Variants in MAN2B2 observed in about 807,000 individuals in gnomAD.
MAN2B2 encodes the protein mannosidase alpha class 2B member 2, also known as epididymis-specific alpha-mannosidase.
Under a neutral mutation model 117.1 loss-of-function variants are expected in MAN2B2, and 106 were observed. The ratio of observed to expected loss-of-function variants is 0.90; its 90% confidence interval spans 0.77 to 1.06. MAN2B2 has a LOEUF of 1.06. MAN2B2 is among the 50% of genes least tolerant of loss of function. The probability of loss-of-function intolerance (pLI) is 0.00; values close to 1 mark genes in which losing one functional copy is unlikely to be tolerated. For synonymous variants in MAN2B2, 544 were observed against 595.1 expected (o/e 0.91, Z 1.25); for missense variants, 1,326 against 1,381.4 (o/e 0.96, Z 0.64).
At chr4:6,588,667 A>T (rs1726738007) in intron 4 of MAN2B2, among the ~76,000 whole-genome samples, 1 of 152,158 alleles carries the variant, frequency 6.6e-6, no homozygotes. Flanking sequence ...GTGAGCTGAG[A>T]TCGTGACACT....
At chr4:6,579,284 CACCAT>C (rs1726293079) in intron 3 of MAN2B2, among the ~76,000 whole-genome samples, 1 of 91,802 alleles carries the variant, frequency 1.1e-5, no homozygotes, top group Non-Finnish European at 2.3e-5. Flanking sequence ...CCACCACCAT[CACCAT>C]CACCACCACC....
chr4:6,592,894 C>T (rs1726909651), intron 5 of MAN2B2, among the ~76,000 whole-genome samples: 1 of 152,180 alleles, frequency 6.6e-6, no homozygotes. Context: ...ATTGAGGCAC[C>T]CCCATAAATT....
At chr4:6,577,872 G>A (rs1726129071) in intron 2 of MAN2B2, among the ~76,000 whole-genome samples, 1 of 152,242 alleles carries the variant, frequency 6.6e-6, no homozygotes, top group African/African-American at 2.4e-5. Flanking sequence ...CCTGAACAGT[G>A]CTGGTTGTGT....
intron 4 of MAN2B2, 68 bp from the exon 5 acceptor site, chr4:6,588,977 G>A: frequency 8.3e-7 from 1 of 1,199,120 alleles, no homozygotes; most frequent in Non-Finnish European, 1.2e-6. Context: ...ACCCAGATGG[G>A]GCTGAGGGAA....
chr4:6,597,544 G>A (rs1188739758), intron 8 of MAN2B2, among the ~76,000 whole-genome samples: 4 of 152,228 alleles, frequency 2.6e-5, no homozygotes, highest in Non-Finnish European at 5.9e-5. Context: ...TAGCAAAAGG[G>A]ATAAAGGACA....
intron 10 of MAN2B2, among the ~76,000 whole-genome samples, chr4:6,604,728 G>A (rs1253930137): frequency 2.0e-5 from 3 of 152,070 alleles, no homozygotes; most frequent in African/African-American, 7.2e-5. Flanking sequence ...AGTGGATTTG[G>A]GTTTGCTTTT....
chr4:6,610,174 T>G (rs1309729591), intron 13 of MAN2B2, 124 bp downstream of exon 13: 1 of 1,346,172 alleles, frequency 7.4e-7, no homozygotes, highest in Non-Finnish European at 1.0e-6. Context: ...TCCTTTTTTT[T>G]AAGATGGAGT....
At chr4:6,600,231 G>T (rs189677542) in intron 9 of MAN2B2, among the ~76,000 whole-genome samples, 2 of 152,224 alleles carry the variant, frequency 1.3e-5, no homozygotes, top group African/African-American at 4.8e-5. Context: ...GGCTCACAGT[G>T]CCCAGCACTC....
At chr4:6,607,594 C>T (rs553006239) in intron 11 of MAN2B2, among the ~76,000 whole-genome samples, 11 of 152,336 alleles carry the variant, frequency 7.2e-5, no homozygotes, top group South Asian at 2.1e-4. Context: ...ACTATTCCAT[C>T]GCATGTATGT....
rs1484601487 is a variant in MAN2B2 at position 6,579,176 on chromosome 4, A to C, written c.391+678A>C. On this transcript the variant is annotated intron_variant, in intron 3 of 18. Transcript: ENST00000285599. ...CATCACCATCACCACCACCACCACCACCATCACCATCACCAGCACCACCAC... is the reference window on the plus strand; with the variant it reads ...CATCACCATCACCACCACCACCACCCCCATCACCATCACCAGCACCACCAC... 8.7e-5 allele frequency among the ~76,000 whole-genome samples: 8 copies of C among 91,518 alleles called. 2 individuals are homozygous for C. Among genetic ancestry groups the C allele is most frequent in the Non-Finnish European group, 2.0e-4 (8 of 40,632 alleles). The allele number at this position is 91,518 out of a possible 152,430, so 60.0% of individuals were successfully genotyped here.
intron 7 of MAN2B2, 131 bp from the exon 8 acceptor site, chr4:6,596,982 G>T (rs955461951): frequency 2.3e-6 from 2 of 862,476 alleles, no homozygotes; most frequent in Non-Finnish European, 3.6e-6. Flanking sequence ...CTGCCTGCCC[G>T]GCCTGCCTCC....
In MAN2B2 at chr4:6,586,435, A is replaced by T. The variant is rs529665099; in HGVS notation, c.392-561A>T. Among the ~76,000 whole-genome samples the T allele has an allele frequency of 2.1e-3, 326 of 152,240 alleles. 3 individuals carry two copies. Among genetic ancestry groups the T allele is most frequent in the African/African-American group, 7.7e-3 (318 of 41,528 alleles). On this transcript the variant is annotated intron_variant, in intron 3 of 18. Transcript: ENST00000285599. ...CCTTTTATTGTTGGTGATGTCCAAGACCTCCATAGCATCATCAAAATCAGT... is the reference window on the plus strand; with the variant it reads ...CCTTTTATTGTTGGTGATGTCCAAGTCCTCCATAGCATCATCAAAATCAGT...
intron 18 of MAN2B2, chr4:6,620,476 C>A (rs371788235): frequency 1.9e-4 from 37 of 193,976 alleles, no homozygotes; most frequent in African/African-American, 5.8e-4. Context: ...CTGCCTGGGA[C>A]GCACAGGTCC....
rs1276269786 is a variant in MAN2B2 at position 6,575,218 on chromosome 4, A to C, written c.8A>C (p.Gln3Pro). MG[Q>P]LCWLPLLAPL... ...TCCCGGCCTGCCGCAGGGATGGGGC[A>C]GCTGTGCTGGCTGCCGCTGCTGGCA... is the stretch of plus-strand genomic sequence containing the variant. Residue 3 changes from glutamine (Q) to proline (P), a missense_variant, in exon 1 of 19, where the codon CAG (glutamine) becomes CCG (proline). Coordinates refer to ENST00000285599, the MANE Select transcript of MAN2B2 (RefSeq NM_015274.3). 1 of 1,496,436 alleles carries C rather than the reference A, an allele frequency of 6.7e-7. No homozygotes were observed. Among genetic ancestry groups the C allele is most frequent in the Non-Finnish European group, 9.0e-7 (1 of 1,111,920 alleles). The allele number at this position is 1,496,436 out of a possible 1,614,324, so 92.7% of individuals were successfully genotyped here.
intron 2 of MAN2B2, among the ~76,000 whole-genome samples, chr4:6,577,335 G>A (rs1013481072): frequency 1.3e-5 from 2 of 152,192 alleles, no homozygotes; most frequent in African/African-American, 2.4e-5. Context: ...AAGCCCTGGC[G>A]TGAGCACCCA....
chr4:6,593,043 T>C, intron 5 of MAN2B2, 130 bp from the exon 6 acceptor site: 4 of 828,704 alleles, frequency 4.8e-6, no homozygotes, highest in Non-Finnish European at 7.5e-6. Context: ...GGTCATGGAG[T>C]GGGAGAATTC....
At chr4:6,621,149 T>A in intron 18 of MAN2B2, 39 bp from the exon 19 acceptor site, 1 of 1,513,976 alleles carries the variant, frequency 6.6e-7, no homozygotes, top group Middle Eastern at 1.7e-4. Context: ...GGAGGAGGCA[T>A]CCCAGGCCAC....
At chr4:6,609,085 C>G (rs368242337) in intron 11 of MAN2B2, 22 bp from the exon 12 acceptor site, 61 of 1,602,220 alleles carry the variant, frequency 3.8e-5, no homozygotes, top group Non-Finnish European at 5.0e-5. Flanking sequence ...AGAATGACAT[C>G]TTCTCTCTCC....
chr4:6,589,164 C>T lies in MAN2B2; in HGVS notation c.680+4C>T, dbSNP rs1225395507. 4 of 1,605,626 alleles carry T rather than the reference C, an allele frequency of 2.5e-6. No homozygotes were observed. The highest frequency in any genetic ancestry group is 2.2e-5 in the South Asian group (2 of 90,900). On this transcript the variant is annotated splice_donor_region_variant and intron_variant, in intron 5 of 18. Coordinates refer to ENST00000285599, the MANE Select transcript of MAN2B2 (RefSeq NM_015274.3). ...CCCACATCCCTTTCTCCAACAGGTA[C>T]GTGCCCTTCCGCAGTGCCTTTGGGA...
Sources: gnomAD v4.1 joint callset for allele counts (sites outside exome capture counted in the v4.1 genomes callset) on GRCh38, gnomAD v4.1.1 for gene constraint, MANE v1.5 for transcripts, NCBI Gene and HGNC (gene_info 2026-07-23, HGNC 2026-07-21) for gene names.